The following C1orf146 variants were observed in gnomAD, a reference collection of about 807,000 sequenced individuals.
The protein encoded by C1orf146 is protein SPO16 homolog.
In C1orf146, 22 loss-of-function variants were observed where a neutral mutation model predicts 23.0. The ratio of observed to expected loss-of-function variants is 0.96; its 90% CI spans 0.68 to 1.36. The LOEUF (loss-of-function observed/expected upper bound fraction) is 1.36. Among genes scored for constraint, C1orf146 ranks in the 40% most tolerant of loss-of-function variants. The pLI is 0.00. For missense variants in C1orf146, 199 were observed against 206.8 expected (o/e 0.96, Z 0.23); for synonymous variants, 59 against 65.3 (o/e 0.90, Z 0.47).
intron 2 of C1orf146, among the ~76,000 whole-genome samples, chr1:92,240,237 T>C (rs1652398530): frequency 6.6e-6 from 1 of 152,246 alleles, no homozygotes; most frequent in African/African-American, 2.4e-5. Context: ...TTCTGCCTCT[T>C]TCTGAGCTGG....
chr1:92,224,958 G>C (rs1015358392), intron 1 of C1orf146, among the ~76,000 whole-genome samples: 1 of 151,982 alleles, frequency 6.6e-6, no homozygotes, highest in Non-Finnish European at 1.5e-5. Flanking sequence ...GGCTAGGTTG[G>C]TCTCCATCTC....
At chr1:92,235,234 C>A (rs1652246095) in intron 2 of C1orf146, among the ~76,000 whole-genome samples, 1 of 152,068 alleles carries the variant, frequency 6.6e-6, no homozygotes, top group Non-Finnish European at 1.5e-5. Flanking sequence ...CCTGCTTTCT[C>A]TTGTGGGCAT....
At chr1:92,218,464 A>G (rs1458412033) in intron 1 of C1orf146, among the ~76,000 whole-genome samples, 1 of 151,750 alleles carries the variant, frequency 6.6e-6, no homozygotes, top group African/African-American at 2.4e-5. Flanking sequence ...AGAGCTTGGA[A>G]AAAACAAAAC....
intron 2 of C1orf146, among the ~76,000 whole-genome samples, chr1:92,234,373 T>A (rs1471707232): frequency 6.6e-6 from 1 of 152,252 alleles, no homozygotes; most frequent in Non-Finnish European, 1.5e-5. Flanking sequence ...GATAATCATG[T>A]GGTTTTTGTC....
At chr1:92,232,574 G>T (rs141021859) in intron 2 of C1orf146, among the ~76,000 whole-genome samples, 1 of 152,118 alleles carries the variant, frequency 6.6e-6, no homozygotes, top group Admixed American at 6.6e-5. Context: ...AAACATACGT[G>T]TACATGTGTC....
intron 2 of C1orf146, among the ~76,000 whole-genome samples, chr1:92,240,551 T>C (rs1652408911): frequency 6.6e-6 from 1 of 152,232 alleles, no homozygotes; most frequent in Non-Finnish European, 1.5e-5. Context: ...AGGAAGCATG[T>C]ATTTTTATAC....
chr1:92,227,812 T>G (rs1652005665), intron 1 of C1orf146, among the ~76,000 whole-genome samples: 1 of 152,154 alleles, frequency 6.6e-6, no homozygotes, highest in African/African-American at 2.4e-5. Flanking sequence ...ATAATACACC[T>G]TTTTTCACTG....
In C1orf146 at chr1:92,242,274, G is replaced by A. The variant is rs1312743576; in HGVS notation, c.129G>A (p.Val43=). Residue 43 remains valine (V), a synonymous_variant, in exon 3 of 6, where the codon GTG becomes GTA. Coordinates refer to ENST00000370375, the MANE Select transcript of C1orf146 (RefSeq NM_001012425.2). Reference sequence around the variant, plus strand: ...ACAAAGTTCGATATTCAGATTCAGTGGAAAATGGATCAATTATATTTTCTC... The same window carrying A: ...ACAAAGTTCGATATTCAGATTCAGTAGAAAATGGATCAATTATATTTTCTC... ...RSHKVRYSDS[V]ENGSIIFSLS... The A allele has an allele frequency of 1.4e-5, 22 of 1,597,892 alleles. No homozygotes were observed. Among genetic ancestry groups the A allele is most frequent in the Non-Finnish European group, 1.6e-5 (19 of 1,170,296 alleles).
At chr1:92,229,114 C>T (rs1321905832) in intron 1 of C1orf146, 2 of 509,620 alleles carry the variant, frequency 3.9e-6, no homozygotes, top group African/African-American at 2.0e-5. Context: ...AGGATGGAGC[C>T]GCCGATCCAC....
chr1:92,227,325 G>C (rs1048035938), intron 1 of C1orf146, among the ~76,000 whole-genome samples: 1 of 152,006 alleles, frequency 6.6e-6, no homozygotes, highest in African/African-American at 2.4e-5. Context: ...GGCGGATCAC[G>C]AAGTCAGGAG....
At chr1:92,227,782 TTTA>T (rs1652005053) in intron 1 of C1orf146, among the ~76,000 whole-genome samples, 1 of 152,198 alleles carries the variant, frequency 6.6e-6, no homozygotes, top group Non-Finnish European at 1.5e-5. Context: ...CAGTTTTCAG[TTTA>T]TTGTTTCCCT....
chr1:92,223,171 TTACC>T (rs918377924), intron 1 of C1orf146, among the ~76,000 whole-genome samples: 2 of 152,296 alleles, frequency 1.3e-5, no homozygotes, highest in African/African-American at 4.8e-5. Context: ...CTTTGGTAAA[TTACC>T]TAGGAGTAAA....
chr1:92,244,167 T>C (rs760154979), intron 3 of C1orf146, 50 bp from the exon 4 acceptor site: 3 of 1,341,434 alleles, frequency 2.2e-6, no homozygotes, highest in Admixed American at 4.2e-5. Context: ...TATAACAAAA[T>C]TTCATCTCTA....
chr1:92,219,496 C>T (rs199529364), intron 1 of C1orf146, among the ~76,000 whole-genome samples: 68 of 81,192 alleles, frequency 8.4e-4, no homozygotes, highest in South Asian at 1.1e-3. Context: ...CTTTCTCTTT[C>T]TTTTTTTTTT....
intron 2 of C1orf146, among the ~76,000 whole-genome samples, chr1:92,240,049 A>T (rs1003829754): frequency 5.9e-5 from 9 of 152,234 alleles, no homozygotes. Context: ...TCCATAATTC[A>T]GATGAGGAGA....
At chr1:92,235,741 G>T (rs1281317081) in intron 2 of C1orf146, among the ~76,000 whole-genome samples, 1 of 152,114 alleles carries the variant, frequency 6.6e-6, no homozygotes, top group East Asian at 1.9e-4. Flanking sequence ...GTGTGTGGGC[G>T]TCTAAGTCTC....
intron 1 of C1orf146, among the ~76,000 whole-genome samples, chr1:92,225,099 C>T (rs1236191667): frequency 7.0e-6 from 1 of 142,554 alleles, no homozygotes; most frequent in African/African-American, 2.6e-5. Context: ...TCTTCTTTTC[C>T]GGTTTAGCCT....
chr1:92,229,559 T>C (rs942750897), intron 1 of C1orf146: 17 of 347,550 alleles, frequency 4.9e-5, no homozygotes, highest in Non-Finnish European at 9.6e-5. Context: ...TGTTGGTTAA[T>C]CTGAAGCAGA....
Position 92,234,785 on chromosome 1 carries a change from CA to C in C1orf146, c.66+3300del, listed in dbSNP as rs539862635. On this transcript the variant is annotated intron_variant, in intron 2 of 5. Transcript: ENST00000370375. Reference sequence around the variant, plus strand: ...AAGCTATGGATTATTGCCACAATTTCAGCTCCTGTTATTGGTCTATTCAGAG... The same window carrying C: ...AAGCTATGGATTATTGCCACAATTTCGCTCCTGTTATTGGTCTATTCAGAG... Among the ~76,000 whole-genome samples the C allele has an allele frequency of 1.8e-3, 270 of 152,288 alleles. 3 individuals are homozygous for C. Among genetic ancestry groups the C allele is most frequent in the African/African-American group, 5.9e-3 (247 of 41,560 alleles).
Sources: gnomAD v4.1 joint callset for allele counts (sites outside exome capture counted in the v4.1 genomes callset) on GRCh38, gnomAD v4.1.1 for gene constraint, MANE v1.5 for transcripts, NCBI Gene and HGNC (gene_info 2026-07-23, HGNC 2026-07-21) for gene names.